The following NBAS variants were observed in gnomAD, a reference collection of about 807,000 sequenced individuals.
The protein encoded by NBAS is NBAS subunit of NRZ tethering complex, also known as NAG/BC035112 fusion.
Under a neutral mutation model 302.5 loss-of-function variants are expected in NBAS, and 219 were observed. The observed-to-expected ratio is 0.72, with a 90% CI of 0.65 to 0.81. The LOEUF (loss-of-function observed/expected upper bound fraction) is 0.81, where lower values mean the gene tolerates loss of function less well. Ranked by LOEUF, NBAS falls within the 30% of genes least tolerant of loss-of-function variation. The probability of loss-of-function intolerance (pLI) is 0.00; values close to 1 mark genes in which losing one functional copy is unlikely to be tolerated. For missense variants in NBAS, 2,932 were observed against 2,841.6 expected, an observed-to-expected ratio of 1.03 and a Z score of -0.72; for synonymous variants, 1,118 against 1,021.6, an observed-to-expected ratio of 1.09 and a Z score of -1.80.
At chr2:15,002,954 G>A in the NBAS span, among the ~76,000 whole-genome samples, 1 of 152,234 alleles carries the variant, frequency 6.6e-6, no homozygotes, top group Non-Finnish European at 1.5e-5. Context: ...AGCCGGCTCC[G>A]GCCTTGGCCA....
chr2:14,792,643 C>A, the NBAS span, among the ~76,000 whole-genome samples: 1 of 151,844 alleles, frequency 6.6e-6, no homozygotes, highest in Non-Finnish European at 1.5e-5. Flanking sequence ...CCTAGTTCTA[C>A]CCTAGTTACT....
intron 28 of NBAS, among the ~76,000 whole-genome samples, chr2:15,389,145 A>C (rs6759785): frequency 0.63 from 95,136 of 151,986 alleles, 30,542 homozygotes; most frequent in Middle Eastern, 0.68. Flanking sequence ...CTCGTCAGAC[A>C]GGCTCTCAAA....
chr2:15,150,481 C>A, the NBAS span, among the ~76,000 whole-genome samples: 1 of 152,114 alleles, frequency 6.6e-6, no homozygotes, highest in Admixed American at 6.5e-5. Context: ...ATGTTGTGCA[C>A]CTGAGCTGGA....
At chr2:15,419,719 C>CT (rs747652347) in intron 23 of NBAS, among the ~76,000 whole-genome samples, 1,820 of 148,660 alleles carry the variant, frequency 0.012, 30 homozygotes, top group African/African-American at 0.043. Flanking sequence ...CGATTTTTTT[C>CT]TTTTTTTTTT....
Position 15,523,815 on chromosome 2 carries a change from G to A in NBAS, c.746+10728C>T, listed in dbSNP as rs1662792021. On this transcript the variant is annotated intron_variant, in intron 9 of 51. Coordinates refer to ENST00000281513, the MANE Select transcript of NBAS (RefSeq NM_015909.4). ...TGTAATCCCAGCAACTCGAGAAGCTGAGGCAGGAGAATCACTTGAACCTGG... is the reference window on the plus strand; with the variant it reads ...TGTAATCCCAGCAACTCGAGAAGCTAAGGCAGGAGAATCACTTGAACCTGG... 2.0e-5 allele frequency among the ~76,000 whole-genome samples: 3 copies of A among 152,268 alleles called. 1 individual carries two copies. In the South Asian group the frequency reaches 6.2e-4, roughly 32 times the overall value.
intron 35 of NBAS, among the ~76,000 whole-genome samples, chr2:15,333,840 T>TAAAA (rs554151194): frequency 1.1e-5 from 1 of 92,444 alleles, no homozygotes; most frequent in Non-Finnish European, 2.4e-5. Context: ...ACAGTGGAGG[T>TAAAA]AAAAAAAAAA....
chr2:15,487,668 G>A (rs961971323), intron 12 of NBAS, among the ~76,000 whole-genome samples: 2 of 152,190 alleles, frequency 1.3e-5, no homozygotes, highest in African/African-American at 2.4e-5. Context: ...TCTGCTGCCT[G>A]ACATCCCCAG....
At chr2:14,993,423 C>G in the NBAS span, among the ~76,000 whole-genome samples, 1 of 152,160 alleles carries the variant, frequency 6.6e-6, no homozygotes, top group Admixed American at 6.5e-5. Context: ...CTTCTGCTCT[C>G]CCAAACCTCT....
the NBAS span, among the ~76,000 whole-genome samples, chr2:14,889,570 C>T: frequency 1.1e-4 from 16 of 152,252 alleles, no homozygotes; most frequent in African/African-American, 3.4e-4. Flanking sequence ...AAAGAGATCC[C>T]GACTCTCCAC....
the NBAS span, among the ~76,000 whole-genome samples, chr2:15,153,840 C>T: frequency 4.0e-3 from 609 of 152,230 alleles, 3 homozygotes; most frequent in Middle Eastern, 0.014. Context: ...GTTATAGGAA[C>T]CTTGTAAGTA....
In NBAS at chr2:15,303,741, A is replaced by G. The variant is rs530968284; in HGVS notation, c.4797+4475T>C. ...TACTATCAGGGAAAACAAGAAAGAT[A>G]TAAGTTGTACTACAATTTTCCTCCA... On this transcript the variant is annotated intron_variant, in intron 40 of 51. Transcript: ENST00000281513. Among the ~76,000 whole-genome samples the G allele has an allele frequency of 1.2e-3, 187 of 152,374 alleles. 1 individual carries two copies. The highest frequency in any genetic ancestry group is 2.2e-3 in the Non-Finnish European group (147 of 68,038).
At chr2:15,026,462 C>CAA in the NBAS span, among the ~76,000 whole-genome samples, 2 of 4,532 alleles carry the variant, frequency 4.4e-4, no homozygotes, top group African/African-American at 1.8e-3. Flanking sequence ...GACTCCGTCT[C>CAA]AAAAAAAAAA....
chr2:15,374,654 G>A lies in NBAS; in HGVS notation c.3657C>T (p.Ala1219=), dbSNP rs1269450219. 8.7e-6 allele frequency: 14 copies of A among 1,613,786 alleles called. No individual in the cohort carries two copies. Among genetic ancestry groups the A allele is most frequent in the East Asian group, 2.2e-5 (1 of 44,874 alleles). Residue 1219 remains alanine, a synonymous_variant, in exon 31 of 52, where the codon GCC becomes GCT. Coordinates refer to ENST00000281513, the MANE Select transcript of NBAS (RefSeq NM_015909.4). ...AIQEELDLIQ[A]VGCLEEFGVK... The stretch of plus-strand genomic sequence containing the variant: ...CCCCAAATTCTTCAAGACATCCAAC[G>A]GCTTGGATAAGATCTAGCTCCTCTT...
At chr2:15,157,577 G>A in the NBAS span, among the ~76,000 whole-genome samples, 1 of 152,050 alleles carries the variant, frequency 6.6e-6, no homozygotes, top group Non-Finnish European at 1.5e-5. Context: ...TACTAACCAG[G>A]CACCAAGTTC....
chr2:15,544,754 G>A (rs1205974399), intron 6 of NBAS, among the ~76,000 whole-genome samples: 1 of 152,226 alleles, frequency 6.6e-6, no homozygotes, highest in East Asian at 1.9e-4. Context: ...GCTCATGCCT[G>A]TAATCCCAGC....
chr2:15,534,714 T>G lies in NBAS; in HGVS notation c.648-73A>C, dbSNP rs1663401787. ...GAATATCACTAAATACCCAATAAAATGTTTAGAATTTAAAAGACAGACAAT... is the reference window on the plus strand; with the variant it reads ...GAATATCACTAAATACCCAATAAAAGGTTTAGAATTTAAAAGACAGACAAT... On this transcript the variant is annotated intron_variant, in intron 8 of 51. Transcript: ENST00000281513. 8.8e-6 allele frequency: 10 copies of G among 1,140,344 alleles called. No homozygotes were observed. The South Asian group carries it at 1.2e-4, about 14-fold the overall frequency. 70.6% of individuals were successfully genotyped at this position (1,140,344 alleles called of 1,614,324 possible).
chr2:14,872,481 T>C, the NBAS span, among the ~76,000 whole-genome samples: 2 of 152,214 alleles, frequency 1.3e-5, no homozygotes. Flanking sequence ...GCCTCCCTAA[T>C]GCGTCTGGAA....
At chr2:15,420,029 A>G (rs1677137435) in intron 23 of NBAS, among the ~76,000 whole-genome samples, 1 of 152,124 alleles carries the variant, frequency 6.6e-6, no homozygotes, top group South Asian at 2.1e-4. Context: ...ATATTTGACA[A>G]TTGTCAGCAC....
At chr2:15,349,344 C>T (rs1223024493) in intron 35 of NBAS, among the ~76,000 whole-genome samples, 7 of 152,164 alleles carry the variant, frequency 4.6e-5, no homozygotes, top group Non-Finnish European at 1.0e-4. Flanking sequence ...TGTTCTGAAT[C>T]CCACAGAGAG....
Sources: allele counts gnomAD v4.1 joint callset (sites outside exome capture counted in the v4.1 genomes callset), GRCh38; gene constraint gnomAD v4.1.1; transcripts MANE v1.5; gene names NCBI Gene and HGNC (gene_info 2026-07-23, HGNC 2026-07-21).